Variants in SDK1 observed in about 807,000 individuals in gnomAD.
The protein encoded by SDK1 is protein sidekick-1.
Under a neutral mutation model 245.5 loss-of-function variants are expected in SDK1, and 157 were observed. The observed-to-expected ratio is 0.64, with a 90% confidence interval of 0.56 to 0.73. The LOEUF (loss-of-function observed/expected upper bound fraction) is 0.73. Ranked by LOEUF, SDK1 falls within the 30% of genes least tolerant of loss-of-function variation. The pLI is 0.00. For synonymous variants in SDK1, 1,647 were observed against 1,278.5 expected, an observed-to-expected ratio of 1.29 and a Z score of -6.15; for missense variants, 3,583 against 3,002.3, an observed-to-expected ratio of 1.19 and a Z score of -4.52.
chr7:3,334,827 A>G (rs991738197), intron 1 of SDK1, among the ~76,000 whole-genome samples: 7 of 152,152 alleles, frequency 4.6e-5, no homozygotes, highest in Admixed American at 4.6e-4. Context: ...GTCATCTTAG[A>G]TAGCTCATAG....
chr7:3,738,991 T>C, intron 4 of SDK1, among the ~76,000 whole-genome samples: 1 of 152,084 alleles, frequency 6.6e-6, no homozygotes, highest in Non-Finnish European at 1.5e-5. Context: ...TATTTCCTTA[T>C]TTTTTTCTTA....
At chr7:3,607,664 G>C (rs555622515) in intron 1 of SDK1, among the ~76,000 whole-genome samples, 1 of 152,224 alleles carries the variant, frequency 6.6e-6, no homozygotes, top group Non-Finnish European at 1.5e-5. Flanking sequence ...TGGCTTAATA[G>C]TTAGTGACAT....
At chr7:4,207,623 C>T (rs1322335513) in intron 36 of SDK1, among the ~76,000 whole-genome samples, 1 of 151,960 alleles carries the variant, frequency 6.6e-6, no homozygotes, top group East Asian at 1.9e-4. Context: ...GGGAACACAT[C>T]GTAGGAGTTG....
At position 3,952,165 on chromosome 7, in the gene SDK1, A is replaced by G. The variant is rs1780887516; in HGVS notation, c.1150+245A>G. 3.1e-5 allele frequency: 16 copies of G among 512,870 alleles called. No individual in the cohort carries two copies. In the South Asian group the frequency reaches 3.8e-4, roughly 12 times the overall value. The allele number at this position is 512,870 out of a possible 1,614,324, so 31.8% of individuals were successfully genotyped here. The stretch of plus-strand genomic sequence containing the variant: ...GTCCTTCTGAATACTCCAGTCACAA[A>G]GCTCGGGAAATAGAGCGGTGAAACC... On this transcript the variant is annotated intron_variant, in intron 7 of 44. Coordinates refer to ENST00000404826, the MANE Select transcript of SDK1 (RefSeq NM_152744.4).
chr7:3,325,636 G>A (rs185808244), intron 1 of SDK1, among the ~76,000 whole-genome samples: 41 of 152,186 alleles, frequency 2.7e-4, no homozygotes, highest in African/African-American at 9.1e-4. Flanking sequence ...ATTAAAGGGT[G>A]TATCAACAAA....
intron 1 of SDK1, among the ~76,000 whole-genome samples, chr7:3,350,464 T>G (rs1780630069): frequency 6.6e-6 from 1 of 152,164 alleles, no homozygotes; most frequent in African/African-American, 2.4e-5. Flanking sequence ...TGGGACAGAT[T>G]ACATTGCCCA....
At chr7:3,378,104 CT>C (rs1781398762) in intron 1 of SDK1, among the ~76,000 whole-genome samples, 1 of 152,146 alleles carries the variant, frequency 6.6e-6, no homozygotes, top group South Asian at 2.1e-4. Flanking sequence ...AAATCAACTT[CT>C]TGTTGAGCCA....
intron 1 of SDK1, among the ~76,000 whole-genome samples, chr7:3,609,920 C>G (rs1398048361): frequency 6.6e-6 from 1 of 151,896 alleles, no homozygotes; most frequent in African/African-American, 2.4e-5. Context: ...AGACTGGTCT[C>G]AAACTCCTGA....
intron 19 of SDK1, among the ~76,000 whole-genome samples, chr7:4,055,132 C>T (rs1391167783): frequency 6.6e-6 from 1 of 152,092 alleles, no homozygotes; most frequent in African/African-American, 2.4e-5. Flanking sequence ...TAGAAGTATT[C>T]CCACTTCTAT....
At chr7:4,247,680 C>T (rs982661144) in intron 44 of SDK1, among the ~76,000 whole-genome samples, 2 of 152,216 alleles carry the variant, frequency 1.3e-5, no homozygotes, top group African/African-American at 2.4e-5. Context: ...TTCCTGTGTG[C>T]TGAGCGCTCG....
chr7:3,485,951 A>G (rs890206404), intron 1 of SDK1, among the ~76,000 whole-genome samples: 10 of 151,902 alleles, frequency 6.6e-5, no homozygotes, highest in African/African-American at 2.2e-4. Context: ...CATTAAAACC[A>G]TCTATGCCTA....
chr7:4,146,323 C>T (rs543283342), intron 29 of SDK1, among the ~76,000 whole-genome samples: 37 of 151,736 alleles, frequency 2.4e-4, no homozygotes, highest in Non-Finnish European at 5.3e-4. Context: ...TTCAGCCTCA[C>T]AGCTGCTCTC....
At chr7:3,471,832 C>T (rs1193048392) in intron 1 of SDK1, among the ~76,000 whole-genome samples, 3 of 152,294 alleles carry the variant, frequency 2.0e-5, no homozygotes, top group South Asian at 4.1e-4. Context: ...GTTTAAAACA[C>T]TCTTTGGGAC....
At chr7:3,798,466 C>G (rs1377861920) in intron 4 of SDK1, among the ~76,000 whole-genome samples, 1 of 152,126 alleles carries the variant, frequency 6.6e-6, no homozygotes, top group Non-Finnish European at 1.5e-5. Flanking sequence ...ATCCACCCAC[C>G]TTGGCCTCCC....
chr7:4,099,929 G>A (rs1194858602), intron 22 of SDK1, among the ~76,000 whole-genome samples: 5 of 152,090 alleles, frequency 3.3e-5, no homozygotes, highest in Non-Finnish European at 5.9e-5. Flanking sequence ...TCCCACTGGG[G>A]GCTCTTGACA....
chr7:4,175,713 A>G (rs1256707033), intron 33 of SDK1, 62 bp from the exon 34 acceptor site: 6 of 1,373,922 alleles, frequency 4.4e-6, no homozygotes, highest in Non-Finnish European at 6.2e-6. Context: ...CCTGCCGCAC[A>G]TCACCTGCGA....
chr7:3,997,408 T>G (rs1197927823), intron 14 of SDK1, among the ~76,000 whole-genome samples: 1 of 152,050 alleles, frequency 6.6e-6, no homozygotes, highest in Non-Finnish European at 1.5e-5. Context: ...GAGTGGAATT[T>G]AGGTGTGTTA....
intron 4 of SDK1, among the ~76,000 whole-genome samples, chr7:3,694,578 G>T (rs1270222683): frequency 1.5e-4 from 1 of 6,714 alleles, no homozygotes; most frequent in Non-Finnish European, 5.7e-4. Context: ...TTATGTTGGT[G>T]GGGGGGGAAA....
chr7:3,961,482 T>G (rs922853625), intron 8 of SDK1, among the ~76,000 whole-genome samples: 2 of 152,232 alleles, frequency 1.3e-5, no homozygotes, highest in Non-Finnish European at 2.9e-5. Context: ...TGTCAAGATA[T>G]GTTTTTTATT....
Sources: allele counts gnomAD v4.1 joint callset (sites outside exome capture counted in the v4.1 genomes callset), GRCh38; gene constraint gnomAD v4.1.1; transcripts MANE v1.5; gene names NCBI Gene and HGNC (gene_info 2026-07-23, HGNC 2026-07-21).